Variants in ASZ1 observed in about 807,000 individuals in gnomAD.
ASZ1 encodes the protein ankyrin repeat, SAM and basic leucine zipper domain-containing protein 1.
In ASZ1, 67 loss-of-function variants were observed where a neutral mutation model predicts 61.8. The ratio of observed to expected loss-of-function variants is 1.08; its 90% confidence interval spans 0.89 to 1.33. The LOEUF (loss-of-function observed/expected upper bound fraction) is 1.33. ASZ1 is among the 40% of genes most tolerant of loss of function. The probability of loss-of-function intolerance (pLI) is 0.00; values close to 1 mark genes in which losing one functional copy is unlikely to be tolerated. For missense variants in ASZ1, 577 were observed against 554.5 expected, an observed-to-expected ratio of 1.04 and a Z score of -0.41; for synonymous variants, 193 against 192.7, an observed-to-expected ratio of 1.00 and a Z score of -0.01.
At chr7:117,423,114 C>G (rs912746789) in intron 2 of ASZ1, among the ~76,000 whole-genome samples, 4 of 152,104 alleles carry the variant, frequency 2.6e-5, no homozygotes, top group Non-Finnish European at 5.9e-5. Context: ...TGGACAACAA[C>G]AAATTAAAAA....
chr7:117,412,608 G>C (rs58707615), intron 4 of ASZ1, among the ~76,000 whole-genome samples: 21 of 151,570 alleles, frequency 1.4e-4, no homozygotes, highest in Non-Finnish European at 2.5e-4. Flanking sequence ...CAATGACTAC[G>C]TCAAAACCTA....
intron 4 of ASZ1, among the ~76,000 whole-genome samples, chr7:117,393,552 T>A (rs973006211): frequency 6.6e-6 from 1 of 152,184 alleles, no homozygotes; most frequent in African/African-American, 2.4e-5. Flanking sequence ...TTACCAGGTA[T>A]AAATATTTGC....
chr7:117,416,315 T>C (rs2116528111), intron 4 of ASZ1, among the ~76,000 whole-genome samples: 1 of 152,352 alleles, frequency 6.6e-6, no homozygotes, highest in Non-Finnish European at 1.5e-5. Flanking sequence ...TCAGCACTCA[T>C]GCTGCCTTAG....
intron 2 of ASZ1, among the ~76,000 whole-genome samples, chr7:117,425,645 C>CA (rs1387237656): frequency 4.0e-5 from 6 of 151,068 alleles, no homozygotes; most frequent in Non-Finnish European, 7.4e-5. Flanking sequence ...ATTTAATACA[C>CA]AAAAAATTCA....
Position 117,385,719 on chromosome 7 carries a change from G to A in ASZ1, c.531C>T (p.Thr177=). 1 of 1,608,152 alleles carries A rather than the reference G, an allele frequency of 6.2e-7. No homozygotes were observed. The highest frequency in any genetic ancestry group is 8.5e-7 in the Non-Finnish European group (1 of 1,174,896). ...TCACAGTGTAACCATTCTCATCCTG[G>A]GTATTAACTTCTGCTCCATGAGCAA... is the stretch of plus-strand genomic sequence containing the variant. ...LLVAHGAEVN[T]QDENGYTALT... The change falls in exon 5 of 13, where the codon ACC becomes ACT. Residue 177 remains threonine (T), a synonymous_variant. Coordinates refer to ENST00000284629, the MANE Select transcript of ASZ1 (RefSeq NM_130768.3).
At chr7:117,370,804 TTGTGTGTGTGTGTGTGTGTGTGTG>T (rs3138784) in intron 10 of ASZ1, among the ~76,000 whole-genome samples, 1 of 133,228 alleles carries the variant, frequency 7.5e-6, no homozygotes, top group Non-Finnish European at 1.6e-5. Flanking sequence ...CCAAAGGTAA[TTGTGTGTGTGTGTGTGTGTGTGTG>T]TGTGTGTGTG....
intron 4 of ASZ1, among the ~76,000 whole-genome samples, chr7:117,417,597 C>G (rs540456531): frequency 3.3e-5 from 5 of 152,312 alleles, no homozygotes; most frequent in African/African-American, 1.2e-4. Flanking sequence ...TGACAGCACG[C>G]TATCCCACCA....
Position 117,427,479 on chromosome 7 carries a change from C to A in ASZ1, c.-19G>T. On this transcript the variant is annotated 5_prime_UTR_variant, in exon 1 of 13. In the 5' UTR this introduces an upstream ATG that the reference lacks. Coordinates refer to ENST00000284629, the MANE Select transcript of ASZ1 (RefSeq NM_130768.3). Reference sequence around the variant, plus strand: ...CCGCCATGCCAGCCAAGGAAGCTCCCTGTCGGCACCGCGCGCCCTTCAGCT... The same window carrying A: ...CCGCCATGCCAGCCAAGGAAGCTCCATGTCGGCACCGCGCGCCCTTCAGCT... 1 of 1,612,784 alleles carries A rather than the reference C, an allele frequency of 6.2e-7. No individual in the cohort carries two copies. Among genetic ancestry groups the A allele is most frequent in the Non-Finnish European group, 8.5e-7 (1 of 1,179,234 alleles).
chr7:117,385,641 T>C, intron 5 of ASZ1, 57 bp downstream of exon 5: 1 of 1,376,588 alleles, frequency 7.3e-7, no homozygotes. Context: ...AATTCTTTTT[T>C]TGTAGATTAC....
intron 2 of ASZ1, among the ~76,000 whole-genome samples, chr7:117,423,840 C>T (rs1157918019): frequency 2.7e-5 from 4 of 147,634 alleles, no homozygotes; most frequent in Non-Finnish European, 4.5e-5. Flanking sequence ...CCAGCCTGGG[C>T]GACAGAGTGA....
chr7:117,424,324 T>C (rs893964491), intron 2 of ASZ1, among the ~76,000 whole-genome samples: 1 of 152,138 alleles, frequency 6.6e-6, no homozygotes, highest in Non-Finnish European at 1.5e-5. Flanking sequence ...CAATAATGAC[T>C]TTGAAAGGCA....
Position 117,382,077 on chromosome 7 carries a change from A to T in ASZ1, c.880T>A (p.Leu294Ile), listed in dbSNP as rs1275773826. 2 of 1,577,680 alleles carry T rather than the reference A, an allele frequency of 1.3e-6. No homozygotes were observed. The highest frequency in any genetic ancestry group is 8.7e-7 in the Non-Finnish European group (1 of 1,147,722). ...GTTATATAAGATCTTACCTTTAGTA[A>T]ATCTGTCATATGTTCAAGTCCAAGA... ...HGLGLEHMTDLLKERDITLRH... is the reference protein window; with the variant it reads ...HGLGLEHMTDILKERDITLRH... Residue 294 changes from leucine (L) to isoleucine (I), a missense_variant, in exon 8 of 13, where the codon TTA becomes ATA. Physicochemically the swap from Leu to Ile is conservative, Grantham distance 5. Coordinates refer to ENST00000284629, the MANE Select transcript of ASZ1 (RefSeq NM_130768.3).
chr7:117,416,942 CATTTT>C (rs1441438654), intron 4 of ASZ1, among the ~76,000 whole-genome samples: 1 of 152,152 alleles, frequency 6.6e-6, no homozygotes, highest in African/African-American at 2.4e-5. Context: ...GACTTACTTT[CATTTT>C]AAGATCTACA....
At chr7:117,390,896 G>A (rs1420599685) in intron 4 of ASZ1, among the ~76,000 whole-genome samples, 1 of 152,002 alleles carries the variant, frequency 6.6e-6, no homozygotes, top group East Asian at 1.9e-4. Context: ...TAGACACTGG[G>A]TTTCACCATC....
intron 4 of ASZ1, among the ~76,000 whole-genome samples, chr7:117,396,201 A>G (rs933185670): frequency 1.3e-5 from 2 of 152,228 alleles, no homozygotes; most frequent in Non-Finnish European, 2.9e-5. Flanking sequence ...AATATTCAGT[A>G]ACAAAGAACA....
At chr7:117,405,095 A>C (rs888500886) in intron 4 of ASZ1, among the ~76,000 whole-genome samples, 4 of 152,076 alleles carry the variant, frequency 2.6e-5, no homozygotes, top group African/African-American at 9.7e-5. Context: ...GCCAATGTAC[A>C]TGCAGACAGT....
rs890591861 is a variant in ASZ1 at position 117,381,998 on chromosome 7, A to G, written c.888+71T>C. Reference sequence around the variant, plus strand: ...TATTCATAGACATGTTTATGAATTAATATCTAACATTATATTAACCAACAA... The same window carrying G: ...TATTCATAGACATGTTTATGAATTAGTATCTAACATTATATTAACCAACAA... On this transcript the variant is annotated intron_variant, in intron 8 of 12. Transcript: ENST00000284629. 3 of 972,624 alleles carry G rather than the reference A, an allele frequency of 3.1e-6. No homozygotes were observed. The African/African-American group carries it at 4.9e-5, about 16-fold the overall frequency. The allele number at this position is 972,624 out of a possible 1,614,324, so 60.2% of individuals were successfully genotyped here.
intron 1 of ASZ1, 64 bp from the exon 2 acceptor site, chr7:117,426,999 A>C (rs1211120179): frequency 6.9e-7 from 1 of 1,449,994 alleles, no homozygotes; most frequent in Non-Finnish European, 9.3e-7. Flanking sequence ...CTCATCAGGA[A>C]ACAATAATGT....
Position 117,426,849 on chromosome 7 carries a change from C to G in ASZ1, c.192G>C (p.Glu64Asp), listed in dbSNP as rs200512626. ...MTIGDVSLVQ[E>D]LLDSGISVDS... ...CTTATCTCTCACCAGAATCTAGGAG[C>G]TCCTGGACCAATGAAACATCTCCGA... Residue 64 changes from glutamate (E) to aspartate (D), a missense_variant, in exon 2 of 13, where the codon GAG (glutamate) becomes GAC (aspartate). Physicochemically the swap from Glu to Asp is conservative, Grantham distance 45. Transcript: ENST00000284629. 6.2e-7 allele frequency: 1 copy of G among 1,609,038 alleles called. No homozygotes were observed. Among genetic ancestry groups the G allele is most frequent in the African/African-American group, 1.3e-5 (1 of 74,426 alleles).
Sources: gnomAD v4.1 joint callset for allele counts (sites outside exome capture counted in the v4.1 genomes callset) on GRCh38, gnomAD v4.1.1 for gene constraint, MANE v1.5 for transcripts, NCBI Gene and HGNC (gene_info 2026-07-23, HGNC 2026-07-21) for gene names.